DNER: variants seen among roughly 807,000 people sequenced by gnomAD.
DNER encodes delta/notch like EGF repeat containing.
Under a neutral mutation model 78.2 loss-of-function variants are expected in DNER, and 33 were observed. The ratio of observed to expected loss-of-function variants is 0.42; its 90% CI spans 0.32 to 0.56. DNER has a LOEUF of 0.56. DNER is among the 20% of genes least tolerant of loss of function. The probability of loss-of-function intolerance (pLI) is 0.11; values close to 1 mark genes in which losing one functional copy is unlikely to be tolerated. For synonymous variants in DNER, 417 were observed against 384.8 expected, an observed-to-expected ratio of 1.08 and a Z score of -0.98; for missense variants, 918 against 975.3, an observed-to-expected ratio of 0.94 and a Z score of 0.78.
chr2:229,679,619 T>C (rs1699353470), intron 1 of DNER, among the ~76,000 whole-genome samples: 2 of 152,338 alleles, frequency 1.3e-5, no homozygotes, highest in East Asian at 1.9e-4. Context: ...CTTATCGTTC[T>C]GTAGCTCATC....
chr2:229,361,054 C>T (rs373870778), intron 12 of DNER, among the ~76,000 whole-genome samples: 9 of 152,200 alleles, frequency 5.9e-5, no homozygotes, highest in African/African-American at 1.4e-4. Flanking sequence ...CTGTATCTAC[C>T]ATATGGAAGC....
chr2:229,630,663 C>T (rs1684647891), intron 1 of DNER, among the ~76,000 whole-genome samples: 1 of 151,826 alleles, frequency 6.6e-6, no homozygotes, highest in Non-Finnish European at 1.5e-5. Context: ...TTTTTAGATT[C>T]AGAGGGTACA....
chr2:229,453,304 G>A (rs1380527548), intron 7 of DNER, among the ~76,000 whole-genome samples: 1 of 152,018 alleles, frequency 6.6e-6, no homozygotes, highest in African/African-American at 2.4e-5. Context: ...TGTGGATAGT[G>A]TTGTTATCAA....
intron 7 of DNER, among the ~76,000 whole-genome samples, chr2:229,474,405 C>G (rs1372197657): frequency 6.6e-6 from 1 of 152,210 alleles, no homozygotes; most frequent in Admixed American, 6.5e-5. Flanking sequence ...TTTCCCTGCT[C>G]AGGCTTCATT....
intron 1 of DNER, chr2:229,701,745 A>G (rs1699749218): frequency 6.6e-6 from 1 of 152,294 alleles, no homozygotes. Flanking sequence ...GCCCCACCCC[A>G]CAATGGTCGG....
intron 8 of DNER, among the ~76,000 whole-genome samples, chr2:229,425,019 G>A (rs571576256): frequency 6.6e-6 from 1 of 152,318 alleles, no homozygotes; most frequent in South Asian, 2.1e-4. Context: ...ACAACTTGAA[G>A]AGATTTGAGA....
At position 229,367,058 on chromosome 2, in the gene DNER, G is replaced by A. The variant is rs1159830832; in HGVS notation, c.1917C>T (p.Leu639=). ...CGCAGAGGGCTCCAATGATGATGTAGAGGGAGTGCCGTGGCATGTTGGTGA... is the reference window on the plus strand; with the variant it reads ...CGCAGAGGGCTCCAATGATGATGTAAAGGGAGTGCCGTGGCATGTTGGTGA... ...ESLTNMPRHS[L]YIIIGALCVA... The change falls in exon 12 of 13, where the codon CTC becomes CTT. Residue 639 remains leucine, a synonymous_variant. Transcript: ENST00000341772. 3 of 1,614,020 alleles carry A rather than the reference G, an allele frequency of 1.9e-6. No individual in the cohort carries two copies. Among genetic ancestry groups the A allele is most frequent in the Non-Finnish European group, 2.5e-6 (3 of 1,180,010 alleles).
At chr2:229,500,564 G>A (rs1421079170) in intron 6 of DNER, among the ~76,000 whole-genome samples, 3 of 152,162 alleles carry the variant, frequency 2.0e-5, no homozygotes, top group Non-Finnish European at 2.9e-5. Context: ...TCAGTATTTC[G>A]AGGTGATATT....
At chr2:229,413,161 T>C (rs1222877186) in intron 9 of DNER, among the ~76,000 whole-genome samples, 2 of 152,050 alleles carry the variant, frequency 1.3e-5, no homozygotes, top group East Asian at 3.9e-4. Context: ...CTTACATTAT[T>C]ATTATAGACA....
rs527498406 is a variant in DNER at position 229,548,834 on chromosome 2, ATT to A, written c.848-1744_848-1743del. ...TATTTCATTGATCTAAAGATAGGGG[ATT>A]TATTAAACAAGGGCAAAATAATAAC... On this transcript the variant is annotated intron_variant, in intron 4 of 12. Transcript: ENST00000341772. Among the ~76,000 whole-genome samples, 150 of 152,334 alleles carry A rather than the reference ATT, an allele frequency of 9.8e-4. 1 individual carries two copies. Among genetic ancestry groups the A allele is most frequent in the Non-Finnish European group, 1.6e-3 (110 of 68,024 alleles).
chr2:229,648,993 G>A (rs1211202090), intron 1 of DNER, among the ~76,000 whole-genome samples: 1 of 152,178 alleles, frequency 6.6e-6, no homozygotes, highest in Admixed American at 6.5e-5. Flanking sequence ...AACCTGTGTA[G>A]TGAGGCCAAA....
Position 229,692,174 on chromosome 2 carries a change from A to T in DNER, c.276+21974T>A, listed in dbSNP as rs75812807. On this transcript the variant is annotated intron_variant, in intron 1 of 12. Coordinates refer to ENST00000341772, the MANE Select transcript of DNER (RefSeq NM_139072.4). The stretch of plus-strand genomic sequence containing the variant: ...TGAATTGAGTCTTCTGTTGCTTGCA[A>T]CCCAGAGGGTCCTGACTAATACATA... Among the ~76,000 whole-genome samples the T allele has an allele frequency of 8.5e-5, 13 of 152,286 alleles. No homozygotes were observed. In the East Asian group the frequency reaches 2.5e-3, roughly 29 times the overall value.
intron 1 of DNER, among the ~76,000 whole-genome samples, chr2:229,599,869 T>A (rs574030894): frequency 1.3e-5 from 2 of 152,192 alleles, no homozygotes; most frequent in African/African-American, 4.8e-5. Flanking sequence ...TAAAATGTTA[T>A]GTATTTATTT....
intron 1 of DNER, among the ~76,000 whole-genome samples, chr2:229,662,520 A>C (rs2193216): frequency 0.87 from 132,119 of 152,160 alleles, 59,309 homozygotes; most frequent in Non-Finnish European, 0.98. Context: ...TGGCAGAGCC[A>C]AGGTGCAGAA....
chr2:229,569,003 G>T (rs567509370), intron 4 of DNER, among the ~76,000 whole-genome samples: 1 of 152,158 alleles, frequency 6.6e-6, no homozygotes, highest in Non-Finnish European at 1.5e-5. Flanking sequence ...GCATATACAC[G>T]AATGTGCATC....
intron 1 of DNER, among the ~76,000 whole-genome samples, chr2:229,619,535 A>G (rs571886917): frequency 6.6e-6 from 1 of 152,300 alleles, no homozygotes; most frequent in East Asian, 1.9e-4. Context: ...GTGAGACGGC[A>G]ATGTCCTAGG....
intron 8 of DNER, among the ~76,000 whole-genome samples, chr2:229,431,155 C>A (rs906842666): frequency 2.6e-5 from 4 of 151,956 alleles, no homozygotes; most frequent in African/African-American, 9.7e-5. Flanking sequence ...GGAAACAGTT[C>A]TTAAATATAC....
chr2:229,550,666 C>T (rs1247978771), intron 4 of DNER, among the ~76,000 whole-genome samples: 2 of 152,074 alleles, frequency 1.3e-5, no homozygotes, highest in Non-Finnish European at 2.9e-5. Flanking sequence ...GTCCCAGCTA[C>T]TCGGGAGGCT....
chr2:229,610,845 CTG>C (rs1038958206), intron 1 of DNER, among the ~76,000 whole-genome samples: 1 of 152,238 alleles, frequency 6.6e-6, no homozygotes, highest in African/African-American at 2.4e-5. Flanking sequence ...AGTTCCCAAA[CTG>C]TGTGCCAAAG....
Sources: gnomAD v4.1 joint callset for allele counts (sites outside exome capture counted in the v4.1 genomes callset) on GRCh38, gnomAD v4.1.1 for gene constraint, MANE v1.5 for transcripts, NCBI Gene and HGNC (gene_info 2026-07-23, HGNC 2026-07-21) for gene names.